UGT2A3: variants seen among roughly 807,000 people sequenced by gnomAD.
UGT2A3 encodes UDP glucuronosyltransferase family 2 member A3, also known as UDP-glucuronosyltransferase 2A3.
In UGT2A3, 55 loss-of-function variants were observed where a neutral mutation model predicts 44.1. The observed-to-expected ratio is 1.25, with a 90% CI of 1.00 to 1.56. The LOEUF is 1.56. UGT2A3 is among the 40% of genes most tolerant of loss of function. The probability of loss-of-function intolerance (pLI) is 0.00; values close to 1 mark genes in which losing one functional copy is unlikely to be tolerated. For missense variants in UGT2A3, 733 were observed against 621.6 expected (o/e 1.18, Z -1.91); for synonymous variants, 243 against 215.1 (o/e 1.13, Z -1.13).
Position 68,930,671 on chromosome 4 carries a change from T to C in UGT2A3, c.1179A>G (p.Ile393Met). The C allele has an allele frequency of 6.2e-7, 1 of 1,613,486 alleles. No individual in the cohort carries two copies. The highest frequency in any genetic ancestry group is 8.5e-7 in the Non-Finnish European group (1 of 1,179,648). ...YHGVPMVGVP[I>M]FGDQLDNIAH... Reference sequence around the variant, plus strand: ...CTATGTTATCAAGCTGATCACCAAATATGGGAACTCCCACCATAGGGACCC... The same window carrying C: ...CTATGTTATCAAGCTGATCACCAAACATGGGAACTCCCACCATAGGGACCC... The change falls in exon 5 of 6, where the codon ATA becomes ATG. Residue 393 changes from isoleucine (I) to methionine (M), a missense_variant. Ile to Met is a conservative substitution (Grantham distance 10). Coordinates refer to ENST00000251566, the MANE Select transcript of UGT2A3 (RefSeq NM_024743.4).
chr4:68,949,293 T>G (rs1036133779), intron 1 of UGT2A3, among the ~76,000 whole-genome samples: 7 of 151,862 alleles, frequency 4.6e-5, no homozygotes, highest in Non-Finnish European at 1.5e-5. Flanking sequence ...TTCTTTTCAC[T>G]GGAACATTTA....
chr4:68,930,401 A>T, intron 5 of UGT2A3, 145 bp downstream of exon 5: 2 of 851,986 alleles, frequency 2.3e-6, no homozygotes, highest in Non-Finnish European at 3.5e-6. Flanking sequence ...AATTTCCACA[A>T]CTATTCCAGT....
At position 68,936,888 on chromosome 4, in the gene UGT2A3, C is replaced by CAAAAAAAAAA. The variant is rs56737078; in HGVS notation, c.865-4139_865-4130dup. Among the ~76,000 whole-genome samples the CAAAAAAAAAA allele has an allele frequency of 5.0e-4, 23 of 46,332 alleles. 2 individuals are homozygous for CAAAAAAAAAA. Among genetic ancestry groups the CAAAAAAAAAA allele is most frequent in the Admixed American group, 2.0e-3 (6 of 2,992 alleles). The allele number at this position is 46,332 out of a possible 152,430, so 30.4% of individuals were successfully genotyped here. ...GAAGATCTACAAAGTAAATGGAAAG[C>CAAAAAAAAAA]AAAAAAAAAAAAAAAAAAAAAGCAG... On this transcript the variant is annotated intron_variant, in intron 2 of 5. Transcript: ENST00000251566.
At chr4:68,942,380 G>A (rs1199614917) in intron 2 of UGT2A3, among the ~76,000 whole-genome samples, 1 of 148,618 alleles carries the variant, frequency 6.7e-6, no homozygotes. Flanking sequence ...TATATTGTGT[G>A]TGTTTATATG....
chr4:68,936,799 G>T (rs1156550325), intron 2 of UGT2A3, among the ~76,000 whole-genome samples: 1 of 143,700 alleles, frequency 7.0e-6, no homozygotes, highest in African/African-American at 2.5e-5. Context: ...CCATCAGTAT[G>T]TTGTATTCAG....
rs767846325 is a variant in UGT2A3 at position 68,951,375 on chromosome 4, A to T, written c.386T>A (p.Ile129Asn). The T allele has an allele frequency of 8.1e-6, 13 of 1,612,606 alleles. No individual in the cohort carries two copies. Among genetic ancestry groups the T allele is most frequent in the Non-Finnish European group, 1.1e-5 (13 of 1,179,284 alleles). ...GTLKMMCESFIYNQTLMKKLQ... is the reference protein window; with the variant it reads ...GTLKMMCESFNYNQTLMKKLQ... The stretch of plus-strand genomic sequence containing the variant: ...CTTCTTCATAAGCGTCTGATTGTAG[A>T]TAAAGCTCTCACACATCATTTTTAA... The change falls in exon 1 of 6, where the codon ATC becomes AAC. Residue 129 changes from isoleucine to asparagine, a missense_variant. Coordinates refer to ENST00000251566, the MANE Select transcript of UGT2A3 (RefSeq NM_024743.4).
At position 68,929,721 on chromosome 4, in the gene UGT2A3, G is replaced by T. The variant is rs150454944; in HGVS notation, c.*92C>A. The T allele has an allele frequency of 3.1e-5, 36 of 1,164,938 alleles. No individual in the cohort carries two copies. The highest frequency in any genetic ancestry group is 4.1e-5 in the Non-Finnish European group (34 of 819,552). The allele number at this position is 1,164,938 out of a possible 1,614,324, so 72.2% of individuals were successfully genotyped here. ...ATAGCTAAGATAAAATAACAGAATAGATAATATGAAAATAGCAAGGTTTTC... is the reference window on the plus strand; with the variant it reads ...ATAGCTAAGATAAAATAACAGAATATATAATATGAAAATAGCAAGGTTTTC... On this transcript the variant is annotated 3_prime_UTR_variant, in exon 6 of 6. Coordinates refer to ENST00000251566, the MANE Select transcript of UGT2A3 (RefSeq NM_024743.4).
intron 3 of UGT2A3, 149 bp from the exon 4 acceptor site, chr4:68,931,391 A>G: frequency 1.9e-6 from 1 of 527,590 alleles, no homozygotes; most frequent in Non-Finnish European, 3.3e-6. Flanking sequence ...AGACTGAAAG[A>G]TATAGTAGGA....
chr4:68,950,202 T>C (rs545701676), intron 1 of UGT2A3, among the ~76,000 whole-genome samples: 2 of 151,856 alleles, frequency 1.3e-5, no homozygotes, highest in Admixed American at 6.6e-5. Flanking sequence ...GAATGGAAAA[T>C]TATTTAAAGC....
At chr4:68,936,024 A>T (rs1482963796) in intron 2 of UGT2A3, among the ~76,000 whole-genome samples, 1 of 152,122 alleles carries the variant, frequency 6.6e-6, no homozygotes, top group East Asian at 1.9e-4. Context: ...AAAAGTGTAA[A>T]AAGAAAGGAA....
chr4:68,934,432 T>C (rs1717858559), intron 2 of UGT2A3, among the ~76,000 whole-genome samples: 1 of 151,962 alleles, frequency 6.6e-6, no homozygotes, highest in South Asian at 2.1e-4. Flanking sequence ...ATAAATGAAA[T>C]AGAAATAAAA....
intron 1 of UGT2A3, among the ~76,000 whole-genome samples, chr4:68,949,128 A>T (rs773496109): frequency 1.3e-4 from 19 of 151,840 alleles, no homozygotes; most frequent in Non-Finnish European, 7.4e-5. Flanking sequence ...ATCTACCCTC[A>T]TGACCCTAAC....
intron 2 of UGT2A3, among the ~76,000 whole-genome samples, chr4:68,934,371 A>C (rs937813725): frequency 6.6e-6 from 1 of 151,988 alleles, no homozygotes; most frequent in South Asian, 2.1e-4. Flanking sequence ...AAGAACAAGG[A>C]AACTCAAAAT....
At position 68,931,253 on chromosome 4, in the gene UGT2A3, AAC is replaced by A; in HGVS notation, c.997-13_997-12del. ...GTACCTCCATAACACCTACGGAAGA[AAC>A]ACATGTATTTCACAGAGTGAACCAC... is the stretch of plus-strand genomic sequence containing the variant. On this transcript the variant is annotated splice_polypyrimidine_tract_variant and intron_variant, in intron 3 of 5. Coordinates refer to ENST00000251566, the MANE Select transcript of UGT2A3 (RefSeq NM_024743.4). 6.2e-7 allele frequency: 1 copy of A among 1,605,996 alleles called. No homozygotes were observed. Among genetic ancestry groups the A allele is most frequent in the Non-Finnish European group, 8.5e-7 (1 of 1,173,468 alleles).
intron 2 of UGT2A3, among the ~76,000 whole-genome samples, chr4:68,940,446 G>C (rs987490717): frequency 6.6e-6 from 1 of 151,918 alleles, no homozygotes; most frequent in Non-Finnish European, 1.5e-5. Context: ...ACTATCACAA[G>C]GATAGAAAAT....
rs1277674426 is a variant in UGT2A3 at position 68,931,163 on chromosome 4, T to A, written c.1076A>T (p.Asp359Val). 1.2e-6 allele frequency: 2 copies of A among 1,611,642 alleles called. No homozygotes were observed. Among genetic ancestry groups the A allele is most frequent in the Non-Finnish European group, 1.7e-6 (2 of 1,178,718 alleles). The stretch of plus-strand genomic sequence containing the variant: ...CTTTCTCATAGACCTACCAAGAAGA[T>A]CATTCTGGGGTATCCAATCATACAG... The part of the protein sequence containing the change: ...TRLYDWIPQN[D>V]LLGHPKTKAF... The change falls in exon 4 of 6, where the codon GAT (aspartate) becomes GTT (valine). Residue 359 changes from aspartate (D) to valine (V), a missense_variant. By Grantham distance (152) the Asp-to-Val change is radical. Transcript: ENST00000251566.
At chr4:68,936,485 G>T (rs1032009725) in intron 2 of UGT2A3, among the ~76,000 whole-genome samples, 1 of 151,926 alleles carries the variant, frequency 6.6e-6, no homozygotes, top group Non-Finnish European at 1.5e-5. Context: ...AAGAAGAAAT[G>T]AAATCCTTTA....
At position 68,931,236 on chromosome 4, in the gene UGT2A3, A is replaced by G. The variant is rs1717725184; in HGVS notation, c.1003T>C (p.Trp335Arg). ...GATGGTTTTTTTCCTTTGTACCTCC[A>G]TAACACCTACGGAAGAAACACATGT... ...ALAQIPQKVL[W>R]RYKGKKPSTL... The change falls in exon 4 of 6, where the codon TGG becomes CGG. Residue 335 changes from tryptophan (W) to arginine (R), a missense_variant. Trp to Arg is a moderately radical substitution (Grantham distance 101, BLOSUM62 -3). Transcript: ENST00000251566. The G allele has an allele frequency of 1.2e-6, 2 of 1,612,430 alleles. No individual in the cohort carries two copies. Among genetic ancestry groups the G allele is most frequent in the Non-Finnish European group, 1.7e-6 (2 of 1,179,038 alleles).
In UGT2A3 at chr4:68,930,701, G is replaced by C. The variant is rs1249671596; in HGVS notation, c.1149C>G (p.Tyr383Ter). The C allele has an allele frequency of 6.2e-7, 1 of 1,613,008 alleles. No homozygotes were observed. Among genetic ancestry groups the C allele is most frequent in the African/African-American group, 1.3e-5 (1 of 75,008 alleles). The change falls in exon 5 of 6, where the codon TAC (tyrosine) becomes TAG (stop). Residue 383 changes from tyrosine to a stop codon, truncating the protein, a stop_gained. Coordinates refer to ENST00000251566, the MANE Select transcript of UGT2A3 (RefSeq NM_024743.4). LOFTEE classifies it high-confidence loss of function. Reference protein sequence around the residue: ...GGMNGIYEAIYHGVPMVGVPI... With the variant: ...GGMNGIYEAI ...GAACTCCCACCATAGGGACCCCATG[G>C]TAAATAGCTTCATAGATCCCATTCA... is the stretch of plus-strand genomic sequence containing the variant.
Sources: gnomAD v4.1 joint callset for allele counts (sites outside exome capture counted in the v4.1 genomes callset) on GRCh38, gnomAD v4.1.1 for gene constraint, MANE v1.5 for transcripts, NCBI Gene and HGNC (gene_info 2026-07-23, HGNC 2026-07-21) for gene names.